SKIL: variants seen among roughly 807,000 people sequenced by gnomAD.
The protein encoded by SKIL is SKI like proto-oncogene.
In SKIL, 20 loss-of-function variants were observed where a neutral mutation model predicts 69.6. The ratio of observed to expected loss-of-function variants is 0.29; its 90% CI spans 0.20 to 0.42. The LOEUF is 0.42. Among genes scored for constraint, SKIL ranks in the 10% least tolerant of loss-of-function variants. The probability of loss-of-function intolerance (pLI) is 1.00; values close to 1 mark genes in which losing one functional copy is unlikely to be tolerated. For missense variants in SKIL, 745 were observed against 783.1 expected (o/e 0.95, Z 0.58); for synonymous variants, 310 against 279.9 (o/e 1.11, Z -1.08).
At chr3:170,370,884 G>C (rs924651032) in intron 2 of SKIL, among the ~76,000 whole-genome samples, 3 of 151,962 alleles carry the variant, frequency 2.0e-5, no homozygotes, top group Non-Finnish European at 2.9e-5. Flanking sequence ...GGTTGAGACC[G>C]CAGTGAGCTG....
At chr3:170,357,950 A>AG (rs1172914644) in intron 1 of SKIL, 187 bp downstream of exon 1, 1 of 151,832 alleles carries the variant, frequency 6.6e-6, no homozygotes, top group East Asian at 2.0e-4. Flanking sequence ...TCGGGGCCAG[A>AG]GGGGGTCGCT....
In SKIL at chr3:170,389,407, A is replaced by G. The variant is rs1224685204; in HGVS notation, c.1430-816A>G. 2.1e-5 allele frequency among the ~76,000 whole-genome samples: 3 copies of G among 143,356 alleles called. No individual in the cohort carries two copies. The Admixed American group carries it at 2.1e-4, about 10-fold the overall frequency. 94.0% of individuals were successfully genotyped at this position (143,356 alleles called of 152,430 possible). A position where few individuals can be genotyped will look rare whatever the true frequency, so the allele number is the denominator to read the frequency against. On this transcript the variant is annotated intron_variant, in intron 4 of 6. Transcript: ENST00000259119. ...CGGCTCACTGCAAGCTCCGCCTCCC[A>G]GGTTCACGCCATTCTTCTGCCTCAG...
chr3:170,373,701 A>G (rs6769178), intron 2 of SKIL, among the ~76,000 whole-genome samples: 284 of 152,288 alleles, frequency 1.9e-3, no homozygotes, highest in African/African-American at 6.6e-3. Flanking sequence ...CTTGGGCAAC[A>G]TAGTGCAACC....
At chr3:170,387,767 A>AAAAAAAAAAG (rs1187439082) in intron 4 of SKIL, among the ~76,000 whole-genome samples, 1 of 133,038 alleles carries the variant, frequency 7.5e-6, no homozygotes, top group African/African-American at 2.6e-5. Flanking sequence ...ACTAAAAAAA[A>AAAAAAAAAAG]AAAAAAATAC....
In SKIL at chr3:170,360,531, A is replaced by G. The variant is rs749953468; in HGVS notation, c.200A>G (p.Glu67Gly). 1 of 1,614,224 alleles carries G rather than the reference A, an allele frequency of 6.2e-7. No homozygotes were observed. Among genetic ancestry groups the G allele is most frequent in the Non-Finnish European group, 8.5e-7 (1 of 1,180,040 alleles). ...GAAGCACCAGTGGAAACTGATGGAG[A>G]GCATGTTAAGCGAACCTGTACTTCT... ...YGEAPVETDG[E>G]HVKRTCTSVP... Residue 67 changes from glutamate (E) to glycine (G), a missense_variant, in exon 2 of 7, where the codon GAG becomes GGG. Transcript: ENST00000259119.
rs1466915098 is a variant in SKIL, at chr3:170,360,651, T to C, written c.320T>C (p.Phe107Ser). The C allele has an allele frequency of 1.9e-6, 3 of 1,614,218 alleles. No individual in the cohort carries two copies. The highest frequency in any genetic ancestry group is 2.5e-6 in the Non-Finnish European group (3 of 1,180,048). ...SQSSLGGPAA[F>S]SARHSQESMS... ...AGCTCGCTGGGTGGACCAGCAGCAT[T>C]TTCTGCTCGGCATTCCCAAGAAAGC... is the stretch of plus-strand genomic sequence containing the variant. Residue 107 changes from phenylalanine to serine, a missense_variant, in exon 2 of 7, where the codon TTT (phenylalanine) becomes TCT (serine). Phe to Ser is a radical substitution (Grantham distance 155, BLOSUM62 -2). Coordinates refer to ENST00000259119, the MANE Select transcript of SKIL (RefSeq NM_005414.5).
intron 2 of SKIL, among the ~76,000 whole-genome samples, chr3:170,371,738 G>A (rs1303621466): frequency 6.6e-6 from 1 of 152,218 alleles, no homozygotes; most frequent in Non-Finnish European, 1.5e-5. Flanking sequence ...GCACTGGAGA[G>A]AAGGTAATTC....
rs1737995171 is a variant in SKIL, at chr3:170,392,857, C to T, written c.*440C>T. 6.6e-6 allele frequency: 1 copy of T among 152,456 alleles called. No individual in the cohort carries two copies. The highest frequency in any genetic ancestry group is 1.5e-5 in the Non-Finnish European group (1 of 68,258). 9.4% of individuals were successfully genotyped at this position (152,456 alleles called of 1,614,324 possible). A position where few individuals can be genotyped will look rare whatever the true frequency, so the allele number is the denominator to read the frequency against. ...CTCAAGGAGTTGAATCTCCCCTTTT[C>T]TCATTAACACAATTTTTCTAAGTTG... On this transcript the variant is annotated 3_prime_UTR_variant, in exon 7 of 7. Coordinates refer to ENST00000259119, the MANE Select transcript of SKIL (RefSeq NM_005414.5).
At chr3:170,369,824 A>C (rs1199045102) in intron 2 of SKIL, among the ~76,000 whole-genome samples, 1 of 152,218 alleles carries the variant, frequency 6.6e-6, no homozygotes, top group East Asian at 1.9e-4. Flanking sequence ...AATAGCTTGA[A>C]TCTGTATTTT....
At chr3:170,390,597 C>G (rs1455385034) in intron 5 of SKIL, 133 bp downstream of exon 5, 1 of 684,498 alleles carries the variant, frequency 1.5e-6, no homozygotes, top group African/African-American at 1.8e-5. Context: ...AGCAATTCTT[C>G]TGCCTTAGCC....
chr3:170,365,075 T>G (rs1736433764), intron 2 of SKIL, among the ~76,000 whole-genome samples: 1 of 152,240 alleles, frequency 6.6e-6, no homozygotes, highest in Admixed American at 6.5e-5. Context: ...AGTGGTTGTT[T>G]TATTATGCTT....
chr3:170,362,693 T>C (rs1406934749), intron 2 of SKIL, among the ~76,000 whole-genome samples: 1 of 150,366 alleles, frequency 6.7e-6, no homozygotes, highest in African/African-American at 2.5e-5. Flanking sequence ...TGTGTGTTTG[T>C]AGTCCCAGCT....
At position 170,361,332 on chromosome 3, in the gene SKIL, A is replaced by G. The variant is rs754429656; in HGVS notation, c.1001A>G (p.Lys334Arg). ...KWHCYLHVNQKYLGTPEEKKL... is the reference protein window; with the variant it reads ...KWHCYLHVNQRYLGTPEEKKL... ...CATTGCTATCTTCATGTGAACCAAA[A>G]ATACTTAGGAACACCTGAAGAAAAG... The change falls in exon 2 of 7, where the codon AAA (lysine) becomes AGA (arginine). Residue 334 changes from lysine to arginine, a missense_variant. Lys to Arg is a conservative substitution (Grantham distance 26). Coordinates refer to ENST00000259119, the MANE Select transcript of SKIL (RefSeq NM_005414.5). 38 of 1,613,554 alleles carry G rather than the reference A, an allele frequency of 2.4e-5. No individual in the cohort carries two copies. The highest frequency in any genetic ancestry group is 3.2e-5 in the Non-Finnish European group (38 of 1,179,872).
rs1738108112 is a variant in SKIL, at chr3:170,394,758, A to G, written c.*2341A>G. On this transcript the variant is annotated 3_prime_UTR_variant, in exon 7 of 7. Coordinates refer to ENST00000259119, the MANE Select transcript of SKIL (RefSeq NM_005414.5). ...TAACTTCCTTGAAAATAGTTTTTTA[A>G]GTCAATTGTAAATATACGTATTATT... 6.6e-6 allele frequency: 1 copy of G among 152,204 alleles called. No homozygotes were observed. The highest frequency in any genetic ancestry group is 1.5e-5 in the Non-Finnish European group (1 of 68,016). The allele number at this position is 152,204 out of a possible 1,614,324, so 9.4% of individuals were successfully genotyped here.
At chr3:170,389,036 A>AT (rs1226532737) in intron 4 of SKIL, among the ~76,000 whole-genome samples, 5 of 150,234 alleles carry the variant, frequency 3.3e-5, no homozygotes, top group South Asian at 2.1e-4. Context: ...TGCCTGGCTA[A>AT]TTTTTTTTGT....
rs1477611274 is a variant in SKIL at position 170,392,448 on chromosome 3, C to CCTG, written c.*31_*32insCTG. The CCTG allele has an allele frequency of 6.9e-7, 1 of 1,455,522 alleles. No individual in the cohort carries two copies. Among genetic ancestry groups the CCTG allele is most frequent in the Non-Finnish European group, 9.3e-7 (1 of 1,080,830 alleles). 90.2% of individuals were successfully genotyped at this position (1,455,522 alleles called of 1,614,324 possible). ...GTTAAAGAGATTCATCTGTGTATTA[C>CCTG]TGACAAGGTTTTTTTTGTTTGTTGC... On this transcript the variant is annotated 3_prime_UTR_variant, in exon 7 of 7. Coordinates refer to ENST00000259119, the MANE Select transcript of SKIL (RefSeq NM_005414.5).
Position 170,381,306 on chromosome 3 carries a change from C to A in SKIL, c.1161C>A (p.Asp387Glu). Residue 387 changes from aspartate (D) to glutamate (E), a missense_variant, in exon 3 of 7, where the codon GAC becomes GAA. Physicochemically the swap from Asp to Glu is conservative, Grantham distance 45 (BLOSUM62 2). Transcript: ENST00000259119. ...ATCCTGTTATAAAGCAGGAAGGTGA[C>A]CATGTTTCTCAGACACATTCATTTT... ...SWYPVIKQEG[D>E]HVSQTHSFLH... 2 of 1,593,826 alleles carry A rather than the reference C, an allele frequency of 1.3e-6. No homozygotes were observed. The highest frequency in any genetic ancestry group is 1.7e-6 in the Non-Finnish European group (2 of 1,161,512).
rs1736133595 is a variant in SKIL at position 170,359,863 on chromosome 3, T to A, written c.-469T>A. On this transcript the variant is annotated 5_prime_UTR_variant, in exon 2 of 7. Transcript: ENST00000259119. ...GAAATACTCCCTCTGCCCTCCTTTT[T>A]GGTTTCCTTGGTGGTAAAGATTAAA... 1 of 153,778 alleles carries A rather than the reference T, an allele frequency of 6.5e-6. No individual in the cohort carries two copies. The highest frequency in any genetic ancestry group is 6.5e-5 in the Admixed American group (1 of 15,472). 9.5% of individuals were successfully genotyped at this position (153,778 alleles called of 1,614,324 possible). A position where few individuals can be genotyped will look rare whatever the true frequency, so the allele number is the denominator to read the frequency against.
intron 4 of SKIL, among the ~76,000 whole-genome samples, chr3:170,388,645 GTCTCA>G (rs1737763965): frequency 6.6e-6 from 1 of 151,866 alleles, no homozygotes; most frequent in Non-Finnish European, 1.5e-5. Context: ...GTTGAGGCTG[GTCTCA>G]AACTCGTGAG....
Sources: gnomAD v4.1 joint callset for allele counts (sites outside exome capture counted in the v4.1 genomes callset) on GRCh38, gnomAD v4.1.1 for gene constraint, MANE v1.5 for transcripts, NCBI Gene and HGNC (gene_info 2026-07-23, HGNC 2026-07-21) for gene names.